The following GANC variants were observed in gnomAD, a reference collection of about 807,000 sequenced individuals.
GANC encodes the protein glucosidase alpha, neutral C, also known as neutral alpha-glucosidase C.
A neutral mutation model predicts 124.2 loss-of-function variants in GANC; 117 were observed. That is an observed-to-expected ratio of 0.94 (90% CI 0.81 to 1.10). The LOEUF (loss-of-function observed/expected upper bound fraction) is 1.10, where lower values mean the gene tolerates loss of function less well. Ranked by LOEUF, GANC falls within the 50% of genes least tolerant of loss-of-function variation. The probability of loss-of-function intolerance (pLI) is 0.00; values close to 1 mark genes in which losing one functional copy is unlikely to be tolerated. For synonymous variants in GANC, 377 were observed against 376.8 expected, an observed-to-expected ratio of 1.00 and a Z score of -0.01; for missense variants, 1,140 against 1,095.0, an observed-to-expected ratio of 1.04 and a Z score of -0.58.
intron 10 of GANC, among the ~76,000 whole-genome samples, chr15:42,312,688 C>T (rs1056827300): frequency 2.4e-4 from 37 of 152,276 alleles, no homozygotes; most frequent in African/African-American, 8.4e-4. Context: ...GCCTGTAATC[C>T]TGCACTTTGG....
At chr15:42,283,109 T>C (rs1161960207) in intron 3 of GANC, among the ~76,000 whole-genome samples, 1 of 152,182 alleles carries the variant, frequency 6.6e-6, no homozygotes, top group Non-Finnish European at 1.5e-5. Context: ...ATTCAGTCCA[T>C]AGCAAACATG....
At chr15:42,279,877 G>A (rs574074900) in intron 3 of GANC, among the ~76,000 whole-genome samples, 1 of 152,282 alleles carries the variant, frequency 6.6e-6, no homozygotes, top group African/African-American at 2.4e-5. Context: ...CTGCAGCGCT[G>A]TACTGATATT....
intron 15 of GANC, among the ~76,000 whole-genome samples, chr15:42,330,963 T>C (rs1166768863): frequency 2.6e-5 from 4 of 151,846 alleles, no homozygotes; most frequent in Non-Finnish European, 5.9e-5. Context: ...AATTTATATA[T>C]GTATATGTAT....
At position 42,352,018 on chromosome 15, in the gene GANC, C is replaced by G; in HGVS notation, c.2636-12C>G. The G allele has an allele frequency of 6.2e-7, 1 of 1,613,794 alleles. No individual in the cohort carries two copies. Among genetic ancestry groups the G allele is most frequent in the African/African-American group, 1.3e-5 (1 of 75,028 alleles). On this transcript the variant is annotated splice_polypyrimidine_tract_variant and intron_variant, in intron 23 of 23. Coordinates refer to ENST00000318010, the MANE Select transcript of GANC (RefSeq NM_198141.3). ...CATCAAAATTTCCCTCTTTTATTGT[C>G]TTGCTATTTAGATGGTAAAGATCAG...
At chr15:42,315,239 T>C (rs1378179284) in intron 10 of GANC, among the ~76,000 whole-genome samples, 1 of 140,644 alleles carries the variant, frequency 7.1e-6, no homozygotes, top group Non-Finnish European at 1.6e-5. Context: ...GAAGCCATAC[T>C]TTAAAAGACT....
chr15:42,294,155 T>C (rs1249168015), intron 5 of GANC, among the ~76,000 whole-genome samples: 1 of 151,688 alleles, frequency 6.6e-6, no homozygotes, highest in African/African-American at 2.4e-5. Context: ...TTGATCCTTT[T>C]ACTTACTTAT....
At chr15:42,311,888 G>A (rs918361811) in intron 10 of GANC, among the ~76,000 whole-genome samples, 5 of 151,748 alleles carry the variant, frequency 3.3e-5, no homozygotes, top group African/African-American at 1.2e-4. Flanking sequence ...TACCCGCAAT[G>A]AACAATCCAA....
Position 42,351,317 on chromosome 15 carries a change from T to C in GANC, c.2532-12T>C. ...ATCCCTCTCCTTTTAATACTGTTTG[T>C]ATCTATTCCAGTTTTGCTGACCAGA... On this transcript the variant is annotated splice_polypyrimidine_tract_variant and intron_variant, in intron 22 of 23. Coordinates refer to ENST00000318010, the MANE Select transcript of GANC (RefSeq NM_198141.3). 6.3e-7 allele frequency: 1 copy of C among 1,599,602 alleles called. No homozygotes were observed. The highest frequency in any genetic ancestry group is 1.7e-5 in the Admixed American group (1 of 59,972).
intron 15 of GANC, among the ~76,000 whole-genome samples, chr15:42,333,034 A>G (rs2052258573): frequency 6.8e-6 from 1 of 147,498 alleles, no homozygotes; most frequent in African/African-American, 2.5e-5. Context: ...ATATATATAT[A>G]TATATTTTTT....
At chr15:42,285,441 AG>A (rs1331082629) in intron 3 of GANC, among the ~76,000 whole-genome samples, 1 of 152,246 alleles carries the variant, frequency 6.6e-6, no homozygotes, top group Non-Finnish European at 1.5e-5. Context: ...CCCAGATCAT[AG>A]GAGGAAATGC....
chr15:42,289,501 G>A (rs536051216), intron 4 of GANC, among the ~76,000 whole-genome samples: 1 of 152,264 alleles, frequency 6.6e-6, no homozygotes, highest in African/African-American at 2.4e-5. Flanking sequence ...CCCTTCCCGT[G>A]ATGTTGTAAG....
intron 4 of GANC, among the ~76,000 whole-genome samples, chr15:42,290,429 A>T (rs1350704975): frequency 6.6e-6 from 1 of 152,236 alleles, no homozygotes; most frequent in African/African-American, 2.4e-5. Flanking sequence ...GCTGAAAATC[A>T]GATGCAGAGT....
chr15:42,293,169 C>T (rs1015026017), intron 5 of GANC, among the ~76,000 whole-genome samples: 7 of 152,214 alleles, frequency 4.6e-5, no homozygotes, highest in African/African-American at 1.7e-4. Flanking sequence ...CTCTACCCTG[C>T]ACACCCTTCT....
At chr15:42,291,644 G>A (rs1396939120) in intron 4 of GANC, among the ~76,000 whole-genome samples, 1 of 152,156 alleles carries the variant, frequency 6.6e-6, no homozygotes, top group Non-Finnish European at 1.5e-5. Context: ...TGATTTCAGT[G>A]GAGATAATGA....
chr15:42,291,439 A>G (rs2051841379), intron 4 of GANC, among the ~76,000 whole-genome samples: 1 of 152,178 alleles, frequency 6.6e-6, no homozygotes, highest in Non-Finnish European at 1.5e-5. Flanking sequence ...TTAGAGAGAT[A>G]AAGATGTTGA....
intron 18 of GANC, among the ~76,000 whole-genome samples, chr15:42,341,504 A>G (rs768355026): frequency 1.3e-5 from 2 of 152,140 alleles, no homozygotes; most frequent in African/African-American, 2.4e-5. Flanking sequence ...GCTTAGTAGC[A>G]GGGCTCAAGA....
chr15:42,348,335 T>G (rs985062051), intron 21 of GANC, 119 bp downstream of exon 21: 20 of 650,244 alleles, frequency 3.1e-5, no homozygotes, highest in Non-Finnish European at 4.8e-5. Flanking sequence ...AAATCAAGGT[T>G]TGAATCATTT....
chr15:42,343,038 T>C, intron 18 of GANC, 40 bp from the exon 19 acceptor site: 1 of 1,544,886 alleles, frequency 6.5e-7, no homozygotes, highest in Non-Finnish European at 8.9e-7. Flanking sequence ...TTTAGACCTC[T>C]TATAATGATA....
chr15:42,326,100 A>G (rs1303376953), intron 11 of GANC, among the ~76,000 whole-genome samples, 198 bp from the exon 12 acceptor site: 2 of 152,204 alleles, frequency 1.3e-5, no homozygotes, highest in Non-Finnish European at 2.9e-5. Context: ...TCTCATAAGC[A>G]CATGAAAGGT....
Sources: gnomAD v4.1 joint callset for allele counts (sites outside exome capture counted in the v4.1 genomes callset) on GRCh38, gnomAD v4.1.1 for gene constraint, MANE v1.5 for transcripts, NCBI Gene and HGNC (gene_info 2026-07-23, HGNC 2026-07-21) for gene names.